Variants in CBFA2T2 observed in about 807,000 individuals in gnomAD.
CBFA2T2 encodes the protein protein CBFA2T2.
A neutral mutation model predicts 62.2 loss-of-function variants in CBFA2T2; 11 were observed. That is an observed-to-expected ratio of 0.18 (90% CI 0.11 to 0.29). The LOEUF is 0.29. CBFA2T2 is among the 10% of genes least tolerant of loss of function. CBFA2T2 has a pLI of 1.00. For synonymous variants in CBFA2T2, 295 were observed against 287.5 expected, an observed-to-expected ratio of 1.03 and a Z score of -0.27; for missense variants, 592 against 774.1, an observed-to-expected ratio of 0.76 and a Z score of 2.79.
intron 1 of CBFA2T2, among the ~76,000 whole-genome samples, chr20:33,592,455 T>A (rs1234491950): frequency 7.1e-6 from 1 of 140,828 alleles, no homozygotes; most frequent in Non-Finnish European, 1.5e-5. Flanking sequence ...AATATATATA[T>A]AAAATTATGC....
chr20:33,539,180 A>T (rs1156975793), intron 1 of CBFA2T2, among the ~76,000 whole-genome samples: 1 of 152,212 alleles, frequency 6.6e-6, no homozygotes, highest in Admixed American at 6.5e-5. Flanking sequence ...CAAGTTTTTT[A>T]ACTGTTAGGC....
At chr20:33,592,478 T>C (rs1257398343) in intron 1 of CBFA2T2, among the ~76,000 whole-genome samples, 1 of 148,902 alleles carries the variant, frequency 6.7e-6, no homozygotes, top group Non-Finnish European at 1.5e-5. Context: ...TGTAGTTCTG[T>C]TAATGCATGA....
chr20:33,526,122 ATGAATCCTCCCGCCTTGGCC>A (rs2011878604), intron 1 of CBFA2T2, among the ~76,000 whole-genome samples: 1 of 152,080 alleles, frequency 6.6e-6, no homozygotes, highest in Non-Finnish European at 1.5e-5. Flanking sequence ...TGACATGTTA[ATGAATCCTCCCGCCTTGGCC>A]TCCCAAAGTG....
chr20:33,500,765 T>A (rs2011266139), intron 1 of CBFA2T2, among the ~76,000 whole-genome samples: 1 of 152,030 alleles, frequency 6.6e-6, no homozygotes, highest in Non-Finnish European at 1.5e-5. Flanking sequence ...GGGGTATGAT[T>A]TAAAGATAGC....
chr20:33,635,887 A>G (rs1267190680), intron 8 of CBFA2T2, among the ~76,000 whole-genome samples: 1 of 152,058 alleles, frequency 6.6e-6, no homozygotes, highest in Non-Finnish European at 1.5e-5. Flanking sequence ...GTCACACACA[A>G]AAAAGTAATT....
At chr20:33,627,067 CCT>C (rs2016259382) in intron 6 of CBFA2T2, among the ~76,000 whole-genome samples, 2 of 152,178 alleles carry the variant, frequency 1.3e-5, no homozygotes, top group East Asian at 1.9e-4. Context: ...GTGTTCAACC[CCT>C]GTTACTCCTA....
At chr20:33,533,849 C>T (rs1277166296) in intron 1 of CBFA2T2, among the ~76,000 whole-genome samples, 1 of 152,064 alleles carries the variant, frequency 6.6e-6, no homozygotes, top group East Asian at 1.9e-4. Flanking sequence ...GTGGTGTGTG[C>T]CTGTAATTCC....
intron 1 of CBFA2T2, among the ~76,000 whole-genome samples, chr20:33,493,044 C>T (rs1487261351): frequency 1.3e-5 from 2 of 150,664 alleles, no homozygotes; most frequent in Admixed American, 6.6e-5. Flanking sequence ...TGAGCCTCTG[C>T]ACCCGCCCTT....
rs1268894525 is a variant in CBFA2T2 at position 33,599,607 on chromosome 20, C to T, written c.35-7349C>T. ...ATTTCCCTTTTTTTTTTTTTTGAGA[C>T]GGAGCCTTACTCTGTTGCCCAGGCT... On this transcript the variant is annotated intron_variant, in intron 1 of 10. Coordinates refer to ENST00000342704, the MANE Select transcript of CBFA2T2 (RefSeq NM_001032999.3). Among the ~76,000 whole-genome samples the T allele has an allele frequency of 4.8e-5, 7 of 144,538 alleles. No individual in the cohort carries two copies. The East Asian group carries it at 1.2e-3, about 25-fold the overall frequency. The allele number at this position is 144,538 out of a possible 152,430, so 94.8% of individuals were successfully genotyped here. A position where few individuals can be genotyped will look rare whatever the true frequency, so the allele number is the denominator to read the frequency against.
chr20:33,516,987 A>T (rs1385919367), intron 1 of CBFA2T2, among the ~76,000 whole-genome samples: 3 of 152,254 alleles, frequency 2.0e-5, no homozygotes, highest in Non-Finnish European at 4.4e-5. Flanking sequence ...AGATGCCTTT[A>T]GTAGTGAGAT....
chr20:33,606,808 T>C (rs765028251), intron 1 of CBFA2T2, 148 bp from the exon 2 acceptor site: 5 of 652,440 alleles, frequency 7.7e-6, no homozygotes, highest in African/African-American at 3.6e-5. Flanking sequence ...GTTCCAGATG[T>C]TGGGATGTGG....
At chr20:33,564,404 C>T (rs146245461) in intron 1 of CBFA2T2, among the ~76,000 whole-genome samples, 213 of 151,402 alleles carry the variant, frequency 1.4e-3, no homozygotes, top group African/African-American at 4.8e-3. Context: ...GGAGTATAGG[C>T]GTGCCACCAT....
At chr20:33,617,913 T>C (rs966170384) in intron 3 of CBFA2T2, among the ~76,000 whole-genome samples, 1 of 152,212 alleles carries the variant, frequency 6.6e-6, no homozygotes, top group Non-Finnish European at 1.5e-5. Flanking sequence ...CCAACATAAT[T>C]GCACACTCAG....
In CBFA2T2 at chr20:33,640,411, G is replaced by A; in HGVS notation, c.1368G>A (p.Gln456=). ...EVQKAVAEAE[Q]KAFEVIATER... ...AGAAGGCCGTCGCTGAGGCAGAGCA[G>A]AAAGCCTTTGAAGTGATTGCAACAG... The change falls in exon 10 of 11, where the codon CAG becomes CAA. Residue 456 remains glutamine (Q), a synonymous_variant. Coordinates refer to ENST00000342704, the MANE Select transcript of CBFA2T2 (RefSeq NM_001032999.3). 3.1e-6 allele frequency: 5 copies of A among 1,614,276 alleles called. No homozygotes were observed. The highest frequency in any genetic ancestry group is 4.2e-6 in the Non-Finnish European group (5 of 1,180,048).
intron 3 of CBFA2T2, among the ~76,000 whole-genome samples, chr20:33,611,935 G>A (rs2015546065): frequency 6.6e-6 from 1 of 152,128 alleles, no homozygotes; most frequent in East Asian, 1.9e-4. Context: ...GCCCACTGGT[G>A]TCCAACCAAG....
At chr20:33,542,598 TTAAAA>T (rs2012436003) in intron 1 of CBFA2T2, among the ~76,000 whole-genome samples, 1 of 152,222 alleles carries the variant, frequency 6.6e-6, no homozygotes, top group Admixed American at 6.5e-5. Context: ...ATATGTCTTA[TTAAAA>T]TAAACTCTAC....
intron 8 of CBFA2T2, among the ~76,000 whole-genome samples, chr20:33,633,200 G>T (rs1277855153): frequency 1.3e-5 from 2 of 151,872 alleles, no homozygotes; most frequent in African/African-American, 4.8e-5. Context: ...TCAAAACACT[G>T]TCTCTACTAA....
intron 1 of CBFA2T2, among the ~76,000 whole-genome samples, chr20:33,572,885 T>C (rs1225636960): frequency 6.6e-6 from 1 of 152,338 alleles, no homozygotes; most frequent in East Asian, 1.9e-4. Context: ...AAGAATTTTA[T>C]AGGGCATGGC....
At chr20:33,529,771 A>G (rs867600251) in intron 1 of CBFA2T2, among the ~76,000 whole-genome samples, 1 of 28,550 alleles carries the variant, frequency 3.5e-5, no homozygotes, top group Non-Finnish European at 1.2e-4. Context: ...ATATATATAT[A>G]TATATATATA....
Sources: gnomAD v4.1 joint callset for allele counts (sites outside exome capture counted in the v4.1 genomes callset) on GRCh38, gnomAD v4.1.1 for gene constraint, MANE v1.5 for transcripts, NCBI Gene and HGNC (gene_info 2026-07-23, HGNC 2026-07-21) for gene names.